Variants in TOPAZ1 observed in about 807,000 individuals in gnomAD.
TOPAZ1 encodes the protein testis and ovary specific TOPAZ 1.
In TOPAZ1, 66 loss-of-function variants were observed where a neutral mutation model predicts 172.2. The observed-to-expected ratio is 0.38, with a 90% CI of 0.31 to 0.47. TOPAZ1 has a LOEUF of 0.47. Among genes scored for constraint, TOPAZ1 ranks in the 20% least tolerant of loss-of-function variants. TOPAZ1 has a pLI of 0.99. For missense variants in TOPAZ1, 1,822 were observed against 1,972.4 expected, an observed-to-expected ratio of 0.92 and a Z score of 1.44; for synonymous variants, 681 against 683.9, an observed-to-expected ratio of 1.00 and a Z score of 0.07.
chr3:44,273,794 G>A (rs767859771), intron 8 of TOPAZ1, among the ~76,000 whole-genome samples: 26 of 152,094 alleles, frequency 1.7e-4, no homozygotes, highest in Non-Finnish European at 3.5e-4. Context: ...ACAAATCAAT[G>A]TTATTTAATA....
intron 14 of TOPAZ1, 119 bp downstream of exon 14, chr3:44,305,440 GCT>G (rs1700325665): frequency 2.6e-6 from 2 of 771,274 alleles, no homozygotes; most frequent in African/African-American, 3.7e-5. Flanking sequence ...TGCGGTCATA[GCT>G]CACCGCAGCC....
intron 19 of TOPAZ1, among the ~76,000 whole-genome samples, chr3:44,328,988 G>A (rs375701099): frequency 2.9e-4 from 44 of 152,078 alleles, no homozygotes; most frequent in Admixed American, 7.9e-4. Flanking sequence ...TGCCTAAATC[G>A]TGGTATGCCA....
chr3:44,327,459 T>G (rs1290766734), intron 18 of TOPAZ1, among the ~76,000 whole-genome samples: 4 of 152,184 alleles, frequency 2.6e-5, no homozygotes, highest in African/African-American at 9.7e-5. Flanking sequence ...TCTCTTCTCT[T>G]GAAAAGTGAA....
rs1699837139 is a variant in TOPAZ1 at position 44,266,994 on chromosome 3, C to T, written c.3021-3C>T. On this transcript the variant is annotated splice_region_variant and splice_polypyrimidine_tract_variant and intron_variant, in intron 5 of 19. Transcript: ENST00000309765. ...TCTGATGTTAATTTTTCCTTTCACA[C>T]AGCAAAGATTCTAGAAATGCAGACT... 2 of 1,531,482 alleles carry T rather than the reference C, an allele frequency of 1.3e-6. No individual in the cohort carries two copies. The highest frequency in any genetic ancestry group is 1.8e-6 in the Non-Finnish European group (2 of 1,138,848). 94.9% of individuals were successfully genotyped at this position (1,531,482 alleles called of 1,614,324 possible).
chr3:44,316,288 C>G (rs1187642762), intron 16 of TOPAZ1, among the ~76,000 whole-genome samples: 1 of 152,076 alleles, frequency 6.6e-6, no homozygotes, highest in East Asian at 1.9e-4. Context: ...GTAAATCAAG[C>G]AACTTAGCCT....
chr3:44,269,208 A>G lies in TOPAZ1; in HGVS notation c.3161-8A>G, dbSNP rs1174002138. ...TTGGTGTGTAATGCCACTCTAAATC[A>G]TTTCTAGATTTCAGATTTCTGGGAA... On this transcript the variant is annotated splice_polypyrimidine_tract_variant and splice_region_variant and intron_variant, in intron 6 of 19. Transcript: ENST00000309765. 3.3e-6 allele frequency: 5 copies of G among 1,508,962 alleles called. No homozygotes were observed. In the South Asian group the frequency reaches 6.0e-5, roughly 18 times the overall value. 93.5% of individuals were successfully genotyped at this position (1,508,962 alleles called of 1,614,324 possible). A position where few individuals can be genotyped will look rare whatever the true frequency, so the allele number is the denominator to read the frequency against.
At chr3:44,242,539 T>C in intron 1 of TOPAZ1, 140 bp downstream of exon 1, 2 of 989,282 alleles carry the variant, frequency 2.0e-6, no homozygotes, top group Non-Finnish European at 3.0e-6. Context: ...GAAAAATGGA[T>C]TTCCTTAAAA....
At chr3:44,317,084 G>A (rs1406977727) in intron 16 of TOPAZ1, among the ~76,000 whole-genome samples, 1 of 152,042 alleles carries the variant, frequency 6.6e-6, no homozygotes, top group Non-Finnish European at 1.5e-5. Context: ...ACTAAATCAG[G>A]TTTTAATACA....
intron 5 of TOPAZ1, among the ~76,000 whole-genome samples, chr3:44,266,461 T>C (rs563277920): frequency 6.6e-6 from 1 of 152,212 alleles, no homozygotes; most frequent in Non-Finnish European, 1.5e-5. Flanking sequence ...CATTTCTAGC[T>C]TTTGATTTAA....
At chr3:44,309,721 G>A in intron 15 of TOPAZ1, 104 bp from the exon 16 acceptor site, 1 of 835,576 alleles carries the variant, frequency 1.2e-6, no homozygotes, top group Non-Finnish European at 1.9e-6. Context: ...CAGCAGTCTA[G>A]GATGATGATT....
At chr3:44,249,681 C>A (rs1179434834) in intron 2 of TOPAZ1, among the ~76,000 whole-genome samples, 1 of 152,062 alleles carries the variant, frequency 6.6e-6, no homozygotes, top group Non-Finnish European at 1.5e-5. Flanking sequence ...AAGTCCAGTC[C>A]CTCATATATT....
chr3:44,272,417 T>C (rs1440184230), intron 8 of TOPAZ1, among the ~76,000 whole-genome samples: 2 of 152,230 alleles, frequency 1.3e-5, no homozygotes, highest in Non-Finnish European at 2.9e-5. Context: ...TGTTATTGTT[T>C]GTCTTTTTGA....
chr3:44,331,752 TTTTAAG>T (rs1279888597), intron 19 of TOPAZ1, 34 bp from the exon 20 acceptor site: 3 of 1,415,112 alleles, frequency 2.1e-6, no homozygotes, highest in Admixed American at 4.0e-5. Context: ...TATATAGCTT[TTTTAAG>T]AGTTTCTGAC....
At chr3:44,258,747 A>G (rs1450616806) in intron 4 of TOPAZ1, among the ~76,000 whole-genome samples, 1 of 151,896 alleles carries the variant, frequency 6.6e-6, no homozygotes, top group Non-Finnish European at 1.5e-5. Flanking sequence ...CCAGTTTGGG[A>G]CTCTTACAGG....
chr3:44,325,608 A>C (rs1700591292), intron 18 of TOPAZ1, among the ~76,000 whole-genome samples: 2 of 151,786 alleles, frequency 1.3e-5, no homozygotes, highest in South Asian at 4.2e-4. Flanking sequence ...GATCACATAA[A>C]TGGAATCATT....
Position 44,244,120 on chromosome 3 carries a change from G to T in TOPAZ1, c.1614G>T (p.Gln538His), listed in dbSNP as rs779242774. The T allele has an allele frequency of 3.2e-6, 5 of 1,551,544 alleles. No homozygotes were observed. In the South Asian group the frequency reaches 4.8e-5, roughly 15 times the overall value. The part of the protein sequence containing the change: ...QVDVPKHQTN[Q>H]THLTDSKLLL... ...ATGTCCCTAAACACCAAACAAACCA[G>T]ACCCATTTAACTGACTCCAAATTAT... Residue 538 changes from glutamine (Q) to histidine (H), a missense_variant, in exon 2 of 20, where the codon CAG becomes CAT. This residue lies in a region of TOPAZ1 where 1,489 missense variants were observed against 1,490.8 expected (regional missense o/e 1.00). Coordinates refer to ENST00000309765, the MANE Select transcript of TOPAZ1 (RefSeq NM_001145030.2).
chr3:44,260,725 A>G (rs1699765953), intron 4 of TOPAZ1, among the ~76,000 whole-genome samples: 1 of 152,100 alleles, frequency 6.6e-6, no homozygotes, highest in Non-Finnish European at 1.5e-5. Context: ...CCAACCCTCC[A>G]AATTATATAC....
chr3:44,277,216 C>T (rs932512509), intron 8 of TOPAZ1, among the ~76,000 whole-genome samples: 3 of 152,068 alleles, frequency 2.0e-5, no homozygotes, highest in Non-Finnish European at 2.9e-5. Context: ...GATCTTTTAC[C>T]TCATTGGGTA....
At chr3:44,321,270 T>C (rs1478527225) in intron 17 of TOPAZ1, 79 bp downstream of exon 17, 1 of 1,001,578 alleles carries the variant, frequency 1.0e-6, no homozygotes, top group African/African-American at 1.7e-5. Flanking sequence ...GTTATCCACC[T>C]GTTTTGATTG....
Sources: gnomAD v4.1 joint callset for allele counts (sites outside exome capture counted in the v4.1 genomes callset) on GRCh38, gnomAD v4.1.1 for gene constraint, gnomAD v4.1.1 regional missense constraint, MANE v1.5 for transcripts, NCBI Gene and HGNC (gene_info 2026-07-23, HGNC 2026-07-21) for gene names.